NOL10: variants seen among roughly 807,000 people sequenced by gnomAD.
The protein encoded by NOL10 is H_NH0074G24.1.
In NOL10, 58 loss-of-function variants were observed where a neutral mutation model predicts 103.5. That is an observed-to-expected ratio of 0.56 (90% CI 0.45 to 0.70). The LOEUF is 0.70. Ranked by LOEUF, NOL10 falls within the 30% of genes least tolerant of loss-of-function variation. The pLI, the probability that NOL10 is intolerant of heterozygous loss-of-function variation, is 0.00. For missense variants in NOL10, 763 were observed against 807.3 expected, an observed-to-expected ratio of 0.95 and a Z score of 0.67; for synonymous variants, 287 against 282.5, an observed-to-expected ratio of 1.02 and a Z score of -0.16.
intron 11 of NOL10, among the ~76,000 whole-genome samples, chr2:10,657,442 G>A (rs1381894654): frequency 6.6e-6 from 1 of 152,114 alleles, no homozygotes; most frequent in Non-Finnish European, 1.5e-5. Flanking sequence ...TATCTAGGGG[G>A]TTTCTCGGGT....
intron 13 of NOL10, among the ~76,000 whole-genome samples, chr2:10,631,115 T>C (rs1330597554): frequency 1.3e-5 from 2 of 152,350 alleles, no homozygotes; most frequent in Admixed American, 6.5e-5. Flanking sequence ...TTTAGGATTC[T>C]ACACGGACAC....
At chr2:10,662,737 G>A (rs942328342) in intron 9 of NOL10, among the ~76,000 whole-genome samples, 14 of 152,048 alleles carry the variant, frequency 9.2e-5, no homozygotes, top group African/African-American at 2.9e-4. Context: ...TAATAAAATC[G>A]TACAGCAACT....
chr2:10,659,339 AATG>A (rs1467090963), intron 9 of NOL10, 89 bp from the exon 10 acceptor site: 3 of 152,246 alleles, frequency 2.0e-5, no homozygotes, highest in Non-Finnish European at 4.6e-5. Context: ...CTTCAAATCT[AATG>A]GGGGGGGGGG....
intron 1 of NOL10, among the ~76,000 whole-genome samples, chr2:10,686,194 G>C (rs569344356): frequency 4.6e-5 from 7 of 152,260 alleles, no homozygotes; most frequent in Admixed American, 2.0e-4. Flanking sequence ...AAAAAATAAA[G>C]CAAGAAAAGG....
intron 13 of NOL10, among the ~76,000 whole-genome samples, chr2:10,628,912 A>G (rs1022567696): frequency 1.2e-4 from 19 of 152,136 alleles, no homozygotes; most frequent in Non-Finnish European, 2.6e-4. Flanking sequence ...TGCATGGGGG[A>G]GAAGGTAATT....
rs1675266627 is a variant in NOL10, at chr2:10,589,107, C to T, written c.1780G>A (p.Glu594Lys). The change falls in exon 19 of 21, where the codon GAG (glutamate) becomes AAG (lysine). Residue 594 changes from glutamate to lysine, a missense_variant. Physicochemically the swap from Glu to Lys is moderately conservative, Grantham distance 56 (BLOSUM62 1). Transcript: ENST00000381685. The part of the protein sequence containing the change: ...QQTVLKPQFY[E>K]IKAGEEFRSF... ...CTAAATTCTTCTCCTGCTTTGATCTCATAAAACTGGGGCTTTAGGACTGTC... is the reference window on the plus strand; with the variant it reads ...CTAAATTCTTCTCCTGCTTTGATCTTATAAAACTGGGGCTTTAGGACTGTC... The T allele has an allele frequency of 6.2e-7, 1 of 1,613,914 alleles. No homozygotes were observed. The highest frequency in any genetic ancestry group is 2.2e-5 in the East Asian group (1 of 44,896).
At chr2:10,677,521 A>G (rs1432672786) in intron 3 of NOL10, among the ~76,000 whole-genome samples, 2 of 148,890 alleles carry the variant, frequency 1.3e-5, no homozygotes, top group South Asian at 2.1e-4. Context: ...ACCAGGCTGG[A>G]GCACAGAGGT....
intron 12 of NOL10, among the ~76,000 whole-genome samples, chr2:10,648,456 A>T (rs1679235844): frequency 6.6e-6 from 1 of 152,166 alleles, no homozygotes; most frequent in Non-Finnish European, 1.5e-5. Flanking sequence ...CTCTCTTATG[A>T]AATAAATTAT....
In NOL10 at chr2:10,598,216, C is replaced by T. The variant is rs529561892; in HGVS notation, c.1422+2637G>A. ...TACGTAAATAATGGGTTGCTTTTCT[C>T]AAAGCCTGTCAGTGACCGGACACTG... On this transcript the variant is annotated intron_variant, in intron 17 of 20. Coordinates refer to ENST00000381685, the MANE Select transcript of NOL10 (RefSeq NM_024894.4). Among the ~76,000 whole-genome samples, 5 of 152,334 alleles carry T rather than the reference C, an allele frequency of 3.3e-5. No individual in the cohort carries two copies. The South Asian group carries it at 1.0e-3, about 32-fold the overall frequency.
At chr2:10,608,895 C>T (rs1015250464) in intron 13 of NOL10, among the ~76,000 whole-genome samples, 1 of 152,126 alleles carries the variant, frequency 6.6e-6, no homozygotes, top group Admixed American at 6.5e-5. Flanking sequence ...GTGCAATCTA[C>T]AATTTTTAAA....
At chr2:10,577,136 G>T (rs1366210335) in intron 20 of NOL10, among the ~76,000 whole-genome samples, 1 of 152,220 alleles carries the variant, frequency 6.6e-6, no homozygotes, top group South Asian at 2.1e-4. Context: ...ACCACGGGCA[G>T]AGTAGTCTGT....
intron 13 of NOL10, among the ~76,000 whole-genome samples, chr2:10,619,470 G>A (rs980902788): frequency 1.3e-5 from 2 of 152,048 alleles, no homozygotes; most frequent in African/African-American, 4.8e-5. Context: ...TGTAGTTTAA[G>A]TGTGTGAAAA....
chr2:10,606,607 CAA>C (rs35623656), intron 14 of NOL10, among the ~76,000 whole-genome samples: 35,974 of 111,304 alleles, frequency 0.32, 5,116 homozygotes, highest in Non-Finnish European at 0.41. Flanking sequence ...GACTCTGTCT[CAA>C]AAAAAAAAAA....
intron 1 of NOL10, among the ~76,000 whole-genome samples, chr2:10,687,399 T>C (rs558664866): frequency 4.0e-4 from 61 of 152,060 alleles, no homozygotes; most frequent in African/African-American, 1.4e-3. Flanking sequence ...AAACTACACA[T>C]TTCCCAGTCT....
intron 9 of NOL10, among the ~76,000 whole-genome samples, chr2:10,660,871 T>C (rs1001716004): frequency 6.6e-6 from 1 of 151,652 alleles, no homozygotes; most frequent in Non-Finnish European, 1.5e-5. Context: ...CCTTCTCGTA[T>C]TGGTTCCACT....
chr2:10,630,792 A>C (rs1484980156), intron 13 of NOL10, among the ~76,000 whole-genome samples: 1 of 152,178 alleles, frequency 6.6e-6, no homozygotes, highest in African/African-American at 2.4e-5. Context: ...ATGACCTTGG[A>C]GATCCCTTCT....
intron 13 of NOL10, among the ~76,000 whole-genome samples, chr2:10,621,215 C>A (rs1572308047): frequency 6.6e-6 from 1 of 152,074 alleles, no homozygotes; most frequent in South Asian, 2.1e-4. Context: ...ATAACGAAAT[C>A]TTTAAACTCA....
At chr2:10,596,820 C>T (rs1398389076) in intron 17 of NOL10, among the ~76,000 whole-genome samples, 1 of 152,136 alleles carries the variant, frequency 6.6e-6, no homozygotes, top group African/African-American at 2.4e-5. Flanking sequence ...AAAAGACTAA[C>T]ATACAAAAAA....
intron 13 of NOL10, among the ~76,000 whole-genome samples, chr2:10,639,291 G>A (rs1246678161): frequency 2.0e-5 from 3 of 152,222 alleles, no homozygotes; most frequent in South Asian, 2.1e-4. Context: ...GCGTGGCAGC[G>A]TGCGCCTATA....
Sources: gnomAD v4.1 joint callset for allele counts (sites outside exome capture counted in the v4.1 genomes callset) on GRCh38, gnomAD v4.1.1 for gene constraint, MANE v1.5 for transcripts, NCBI Gene and HGNC (gene_info 2026-07-23, HGNC 2026-07-21) for gene names.